Variants in RBMS2 observed in about 807,000 individuals in gnomAD.
RBMS2 encodes RNA-binding motif, single-stranded-interacting protein 2.
In RBMS2, 38 loss-of-function variants were observed where a neutral mutation model predicts 58.4. The observed-to-expected ratio is 0.65, with a 90% CI of 0.50 to 0.85. The LOEUF (loss-of-function observed/expected upper bound fraction) is 0.85. Among genes scored for constraint, RBMS2 ranks in the 40% least tolerant of loss-of-function variants. The pLI is 0.00. For synonymous variants in RBMS2, 151 were observed against 180.7 expected (o/e 0.84, Z 1.32); for missense variants, 367 against 503.7 (o/e 0.73, Z 2.60).
intron 7 of RBMS2, 70 bp from the exon 8 acceptor site, chr12:56,581,763 G>T (rs1017940495): frequency 2.3e-5 from 36 of 1,539,360 alleles, no homozygotes; most frequent in Non-Finnish European, 2.8e-5. Context: ...TCCCAGCCTT[G>T]GACATTCTGG....
intron 5 of RBMS2, among the ~76,000 whole-genome samples, chr12:56,574,920 G>A (rs922381364): frequency 2.0e-5 from 3 of 152,128 alleles, no homozygotes; most frequent in Admixed American, 6.6e-5. Context: ...AGGCCGAGGC[G>A]GGCGGATCAT....
intron 5 of RBMS2, 147 bp downstream of exon 5, chr12:56,572,002 T>C: frequency 2.1e-6 from 2 of 964,224 alleles, no homozygotes; most frequent in Non-Finnish European, 2.8e-6. Context: ...CAAAAGTTCA[T>C]TTTAGGCCAG....
chr12:56,543,801 G>A (rs1323485165), intron 1 of RBMS2, among the ~76,000 whole-genome samples: 2 of 151,654 alleles, frequency 1.3e-5, no homozygotes, highest in Non-Finnish European at 2.9e-5. Context: ...TCAAATAGCT[G>A]GGATTACAGG....
rs1204555440 is a variant in RBMS2 at position 56,587,683 on chromosome 12, G to A, written c.1062+19G>A. 3.1e-6 allele frequency: 5 copies of A among 1,609,716 alleles called. No individual in the cohort carries two copies. The highest frequency in any genetic ancestry group is 4.2e-6 in the Non-Finnish European group (5 of 1,177,172). Reference sequence around the variant, plus strand: ...AGGCACGGTAAAGCAGGATATTTCTGATTGTAAACTCTCCTACTGAGCAAG... The same window carrying A: ...AGGCACGGTAAAGCAGGATATTTCTAATTGTAAACTCTCCTACTGAGCAAG... On this transcript the variant is annotated intron_variant, in intron 11 of 13. Coordinates refer to ENST00000262031, the MANE Select transcript of RBMS2 (RefSeq NM_002898.4).
At chr12:56,584,761 G>A (rs1026409407) in intron 9 of RBMS2, among the ~76,000 whole-genome samples, 6 of 151,624 alleles carry the variant, frequency 4.0e-5, no homozygotes, top group African/African-American at 7.3e-5. Context: ...CTCCAGCCTC[G>A]GCGACAGAGT....
intron 1 of RBMS2, among the ~76,000 whole-genome samples, chr12:56,526,707 G>A (rs1872716371): frequency 6.6e-6 from 1 of 150,498 alleles, no homozygotes; most frequent in Non-Finnish European, 1.5e-5. Flanking sequence ...AAGAGACAGG[G>A]TCTCAACACT....
intron 5 of RBMS2, among the ~76,000 whole-genome samples, chr12:56,573,835 TTTGTTGTTG>T (rs376072493): frequency 1.9e-4 from 29 of 151,734 alleles, no homozygotes; most frequent in African/African-American, 6.8e-4. Flanking sequence ...TTTTTGTATT[TTTGTTGTTG>T]TTGTTGTTGT....
At chr12:56,529,674 A>G (rs1873344881) in intron 1 of RBMS2, among the ~76,000 whole-genome samples, 1 of 152,220 alleles carries the variant, frequency 6.6e-6, no homozygotes, top group South Asian at 2.1e-4. Context: ...CCTTAAAAAC[A>G]TGACGCTCAT....
chr12:56,583,146 C>T (rs895065556), intron 9 of RBMS2, among the ~76,000 whole-genome samples: 8 of 152,192 alleles, frequency 5.3e-5, no homozygotes, highest in African/African-American at 1.7e-4. Context: ...CTCCACTAAA[C>T]ACCCTTGTGC....
At chr12:56,557,156 A>G (rs1427553644) in intron 1 of RBMS2, among the ~76,000 whole-genome samples, 1 of 152,168 alleles carries the variant, frequency 6.6e-6, no homozygotes, top group Non-Finnish European at 1.5e-5. Flanking sequence ...GTTCTGGAGA[A>G]ACCATAGCTT....
intron 4 of RBMS2, 28 bp downstream of exon 4, chr12:56,570,018 T>A: frequency 6.4e-7 from 1 of 1,571,490 alleles, no homozygotes; most frequent in Non-Finnish European, 8.8e-7. Flanking sequence ...TGTCTGTTCC[T>A]CCAAGGGGTT....
intron 1 of RBMS2, among the ~76,000 whole-genome samples, chr12:56,538,430 A>G (rs1592346492): frequency 1.4e-5 from 2 of 143,868 alleles, no homozygotes; most frequent in African/African-American, 5.1e-5. Context: ...TATGGATTAC[A>G]CTGAATCTGC....
At position 56,587,812 on chromosome 12, in the gene RBMS2, G is replaced by A. The variant is rs1884881527; in HGVS notation, c.1062+148G>A. 11 of 1,245,450 alleles carry A rather than the reference G, an allele frequency of 8.8e-6. No individual in the cohort carries two copies. In the East Asian group the frequency reaches 1.1e-4, roughly 12 times the overall value. 77.1% of individuals were successfully genotyped at this position (1,245,450 alleles called of 1,614,324 possible). A position where few individuals can be genotyped will look rare whatever the true frequency, so the allele number is the denominator to read the frequency against. ...TCAGAACAGGACATAAACTACAATG[G>A]TAGTGCTCCATGAGCCAGGAATACA... On this transcript the variant is annotated intron_variant, in intron 11 of 13. Coordinates refer to ENST00000262031, the MANE Select transcript of RBMS2 (RefSeq NM_002898.4).
At chr12:56,574,671 C>A (rs1156514821) in intron 5 of RBMS2, among the ~76,000 whole-genome samples, 3 of 152,112 alleles carry the variant, frequency 2.0e-5, no homozygotes, top group Non-Finnish European at 4.4e-5. Context: ...ACTATGAAAT[C>A]TCTTATATGT....
intron 1 of RBMS2, among the ~76,000 whole-genome samples, chr12:56,547,375 A>T (rs1422258056): frequency 6.7e-6 from 1 of 150,030 alleles, no homozygotes; most frequent in Non-Finnish European, 1.5e-5. Context: ...AAATGAAAAA[A>T]GTTTATTGTT....
chr12:56,525,587 G>A (rs940103166), intron 1 of RBMS2, among the ~76,000 whole-genome samples: 8 of 152,054 alleles, frequency 5.3e-5, no homozygotes, highest in African/African-American at 1.9e-4. Flanking sequence ...ACAGTGCCAT[G>A]ATCTCGGCTC....
At chr12:56,581,593 G>C in intron 7 of RBMS2, 85 bp downstream of exon 7, 1 of 1,411,362 alleles carries the variant, frequency 7.1e-7, no homozygotes, top group Non-Finnish European at 9.9e-7. Flanking sequence ...GTGAGCTTAG[G>C]TGGAAAGCTT....
At chr12:56,574,189 GT>G (rs1882790383) in intron 5 of RBMS2, among the ~76,000 whole-genome samples, 1 of 152,114 alleles carries the variant, frequency 6.6e-6, no homozygotes, top group Non-Finnish European at 1.5e-5. Flanking sequence ...TAACTTCATG[GT>G]CCATACAGCT....
chr12:56,543,817 G>A (rs571088765), intron 1 of RBMS2, among the ~76,000 whole-genome samples: 12 of 151,186 alleles, frequency 7.9e-5, no homozygotes, highest in South Asian at 6.3e-4. Flanking sequence ...ACAGGCGTGC[G>A]CCACCACGCC....
Sources: allele counts gnomAD v4.1 joint callset (sites outside exome capture counted in the v4.1 genomes callset), GRCh38; gene constraint gnomAD v4.1.1; transcripts MANE v1.5; gene names NCBI Gene and HGNC (gene_info 2026-07-23, HGNC 2026-07-21).